The following NLGN1 variants were observed in gnomAD, a reference collection of about 807,000 sequenced individuals.
NLGN1 encodes the protein neuroligin 1, also known as neuroligin-1.
A neutral mutation model predicts 65.5 loss-of-function variants in NLGN1; 12 were observed. The observed-to-expected ratio is 0.18, with a 90% CI of 0.12 to 0.30. The LOEUF (loss-of-function observed/expected upper bound fraction) is 0.30, where lower values mean the gene tolerates loss of function less well. Among genes scored for constraint, NLGN1 ranks in the 10% least tolerant of loss-of-function variants. The pLI is 1.00. For synonymous variants in NLGN1, 350 were observed against 359.5 expected, an observed-to-expected ratio of 0.97 and a Z score of 0.30; for missense variants, 750 against 1,007.1, an observed-to-expected ratio of 0.74 and a Z score of 3.46.
At chr3:173,786,007 T>A (rs1275198725) in intron 3 of NLGN1, among the ~76,000 whole-genome samples, 3 of 152,142 alleles carry the variant, frequency 2.0e-5, no homozygotes, top group Non-Finnish European at 4.4e-5. Flanking sequence ...GACTTCAAGT[T>A]TTCCTTAAAA....
intron 3 of NLGN1, among the ~76,000 whole-genome samples, chr3:173,630,268 C>G (rs1198193740): frequency 9.9e-5 from 15 of 152,040 alleles, no homozygotes; most frequent in Admixed American, 9.8e-4. Context: ...TATTGACATC[C>G]TGAACAGTGA....
intron 4 of NLGN1, among the ~76,000 whole-genome samples, chr3:173,999,508 TAATG>T (rs1722885895): frequency 6.6e-6 from 1 of 152,178 alleles, no homozygotes; most frequent in Non-Finnish European, 1.5e-5. Context: ...CATCTTGTAA[TAATG>T]GGAAAATTGC....
At chr3:173,421,346 A>C (rs2148696521) in intron 1 of NLGN1, among the ~76,000 whole-genome samples, 1 of 151,954 alleles carries the variant, frequency 6.6e-6, no homozygotes, top group South Asian at 2.1e-4. Flanking sequence ...GTTAGTGTAC[A>C]TTTTTTACAA....
chr3:173,983,391 G>A (rs1168207864), intron 4 of NLGN1, among the ~76,000 whole-genome samples: 1 of 152,174 alleles, frequency 6.6e-6, no homozygotes, highest in Non-Finnish European at 1.5e-5. Flanking sequence ...ACTGTGCTCA[G>A]GAAATGCTTC....
chr3:174,124,475 G>T (rs1053514849), intron 4 of NLGN1, among the ~76,000 whole-genome samples: 1 of 149,100 alleles, frequency 6.7e-6, no homozygotes, highest in South Asian at 2.1e-4. Flanking sequence ...ATATATTATA[G>T]ATTATGTATA....
chr3:174,234,069 C>G (rs1029483168), intron 4 of NLGN1, among the ~76,000 whole-genome samples: 3 of 152,094 alleles, frequency 2.0e-5, no homozygotes, highest in African/African-American at 7.2e-5. Context: ...GGCAGTGAAT[C>G]TATTTGAGTC....
chr3:173,485,131 A>C (rs895198088), intron 2 of NLGN1, among the ~76,000 whole-genome samples: 5 of 151,526 alleles, frequency 3.3e-5, no homozygotes, highest in Admixed American at 3.3e-4. Context: ...AAAAAAAAAA[A>C]AAAAAAAAGC....
rs1014192956 is a variant in NLGN1 at position 173,898,738 on chromosome 3, A to G, written c.646+90906A>G. 3.9e-5 allele frequency among the ~76,000 whole-genome samples: 6 copies of G among 152,284 alleles called. No individual in the cohort carries two copies. The East Asian group carries it at 1.2e-3, about 29-fold the overall frequency. On this transcript the variant is annotated intron_variant, in intron 4 of 6. Coordinates refer to ENST00000457714, the Ensembl canonical transcript of NLGN1. ...AATCCATTTTTAGTAGTAGGATTGT[A>G]TGCTACTTTGACAAGGTACCAGCTA...
chr3:173,730,698 C>T (rs1451738179), intron 3 of NLGN1, among the ~76,000 whole-genome samples: 1 of 151,774 alleles, frequency 6.6e-6, no homozygotes, highest in Non-Finnish European at 1.5e-5. Flanking sequence ...TTTTTTTCCT[C>T]ACACGCTGCA....
chr3:174,210,264 C>G lies in NLGN1; in HGVS notation c.647-65051C>G, dbSNP rs571394301. Among the ~76,000 whole-genome samples the G allele has an allele frequency of 3.3e-5, 5 of 152,288 alleles. No homozygotes were observed. In the South Asian group the frequency reaches 1.0e-3, roughly 32 times the overall value. Reference sequence around the variant, plus strand: ...TCACTATCTGAATTTACCACATTTACTTTCTTATTTGTTCTCAGTGTATTT... The same window carrying G: ...TCACTATCTGAATTTACCACATTTAGTTTCTTATTTGTTCTCAGTGTATTT... On this transcript the variant is annotated intron_variant, in intron 4 of 6. Transcript: ENST00000457714.
chr3:173,450,996 C>T (rs1721396578), intron 2 of NLGN1, among the ~76,000 whole-genome samples: 1 of 152,078 alleles, frequency 6.6e-6, no homozygotes, highest in African/African-American at 2.4e-5. Context: ...ACTTCTTTGT[C>T]ATTGTTTCGA....
intron 3 of NLGN1, among the ~76,000 whole-genome samples, chr3:173,755,042 A>G (rs1776885492): frequency 6.6e-6 from 1 of 152,136 alleles, no homozygotes; most frequent in Non-Finnish European, 1.5e-5. Context: ...TTAAGAGAAG[A>G]TAATTGTGTA....
intron 4 of NLGN1, among the ~76,000 whole-genome samples, chr3:174,264,873 C>A (rs1358785640): frequency 3.3e-5 from 5 of 151,738 alleles, no homozygotes; most frequent in Non-Finnish European, 7.4e-5. Context: ...TGTGGATGTC[C>A]TTTCTGTTTG....
chr3:174,262,651 A>C (rs561429394), intron 4 of NLGN1, among the ~76,000 whole-genome samples: 1 of 151,868 alleles, frequency 6.6e-6, no homozygotes, highest in Non-Finnish European at 1.5e-5. Context: ...GGATTCATTA[A>C]TTTGTTGAAG....
In NLGN1 at chr3:173,448,583, G is replaced by A. The variant is rs565074970; in HGVS notation, c.-321+13505G>A. ...AGGATGATGCTGGCCTCATAAAATG[G>A]GTTAGGGAGGATTCCCTCTTTTTCT... On this transcript the variant is annotated intron_variant, in intron 2 of 6. Coordinates refer to ENST00000457714, the Ensembl canonical transcript of NLGN1. Among the ~76,000 whole-genome samples the A allele has an allele frequency of 6.8e-4, 103 of 152,158 alleles. No homozygotes were observed. In the East Asian group the frequency reaches 0.013, roughly 19 times the overall value.
chr3:174,265,878 A>G (rs955445896), intron 4 of NLGN1, among the ~76,000 whole-genome samples: 1 of 145,608 alleles, frequency 6.9e-6, no homozygotes, highest in African/African-American at 2.5e-5. Flanking sequence ...TTGTTATAAT[A>G]TATATATACG....
intron 3 of NLGN1, among the ~76,000 whole-genome samples, chr3:173,780,975 A>G (rs1458951224): frequency 2.0e-5 from 3 of 151,812 alleles, no homozygotes; most frequent in Non-Finnish European, 4.4e-5. Context: ...CCCCGTCTCT[A>G]GTAAAAAATA....
chr3:174,119,896 T>G (rs1027643950), intron 4 of NLGN1, among the ~76,000 whole-genome samples: 4 of 152,216 alleles, frequency 2.6e-5, no homozygotes, highest in Admixed American at 1.3e-4. Flanking sequence ...AGAAAGTTCC[T>G]GTAGTAAAGA....
In NLGN1 at chr3:173,880,489, AT is replaced by A. The variant is rs955915340; in HGVS notation, c.646+72667del. ...TATTGCAATCAAGTGATTCACACAA[AT>A]TTTTTTTTTATTTTCTAGTGCTTTT... On this transcript the variant is annotated intron_variant, in intron 4 of 6. Transcript: ENST00000457714. Among the ~76,000 whole-genome samples, 205 of 149,866 alleles carry A rather than the reference AT, an allele frequency of 1.4e-3. 2 individuals are homozygous for A. The highest frequency in any genetic ancestry group is 3.5e-3 in the Middle Eastern group (1 of 282).
Sources: gnomAD v4.1 joint callset for allele counts (sites outside exome capture counted in the v4.1 genomes callset) on GRCh38, gnomAD v4.1.1 for gene constraint, MANE v1.5 for transcripts, NCBI Gene and HGNC (gene_info 2026-07-23, HGNC 2026-07-21) for gene names.